METTL16: variants seen among roughly 807,000 people sequenced by gnomAD.
The protein encoded by METTL16 is methyltransferase 16, RNA N6-adenosine, also known as RNA N(6)-adenosine-methyltransferase METTL16.
METTL16 carries 19 observed loss-of-function variants against 57.9 expected under a neutral mutation model. That is an observed-to-expected ratio of 0.33 (90% CI 0.23 to 0.48). METTL16 has a LOEUF of 0.48. METTL16 is among the 20% of genes least tolerant of loss of function. The probability of loss-of-function intolerance (pLI) is 0.99; values close to 1 mark genes in which losing one functional copy is unlikely to be tolerated. For missense variants in METTL16, 434 were observed against 691.5 expected (o/e 0.63, Z 4.18); for synonymous variants, 246 against 255.6 (o/e 0.96, Z 0.36).
At chr17:2,441,949 C>T (rs1365115104) in intron 6 of METTL16, among the ~76,000 whole-genome samples, 1 of 152,152 alleles carries the variant, frequency 6.6e-6, no homozygotes, top group East Asian at 1.9e-4. Flanking sequence ...TTAGATCCAG[C>T]ATGAACCTGT....
intron 1 of METTL16, 128 bp downstream of exon 1, chr17:2,511,631 A>G: frequency 2.6e-6 from 1 of 390,220 alleles, no homozygotes. Context: ...CAGCCACATC[A>G]GGTCTCCCCT....
chr17:2,446,246 A>C (rs553874362), intron 6 of METTL16, among the ~76,000 whole-genome samples: 1 of 152,344 alleles, frequency 6.6e-6, no homozygotes, highest in South Asian at 2.1e-4. Flanking sequence ...ATGATGCAAG[A>C]TGGCCACTCT....
At chr17:2,482,916 T>A (rs9900725) in intron 2 of METTL16, among the ~76,000 whole-genome samples, 25,503 of 150,036 alleles carry the variant, frequency 0.17, 2,752 homozygotes, top group African/African-American at 0.31. Flanking sequence ...GTCTCAAAAA[T>A]AATAATAATA....
rs141391968 is a variant in METTL16 at position 2,429,964 on chromosome 17, C to T, written c.888+8145G>A. 2.1e-3 allele frequency among the ~76,000 whole-genome samples: 316 copies of T among 151,548 alleles called. 10 individuals carry two copies. The East Asian group carries it at 0.051, about 25-fold the overall frequency. ...TAGCTGGGATTACAGGCGCCCGCCACCATGCCCGGCTAATTTTTTTCTATT... is the reference window on the plus strand; with the variant it reads ...TAGCTGGGATTACAGGCGCCCGCCATCATGCCCGGCTAATTTTTTTCTATT... On this transcript the variant is annotated intron_variant, in intron 8 of 9. Transcript: ENST00000263092.
Position 2,420,045 on chromosome 17 carries a change from G to A in METTL16, c.1614C>T (p.Gly538=). The change falls in exon 10 of 10, where the codon GGC becomes GGT. Residue 538 remains glycine, a synonymous_variant. Coordinates refer to ENST00000263092, the MANE Select transcript of METTL16 (RefSeq NM_024086.4). This position sits in a 1 kb window ranked among gnomAD's most constrained non-coding sequence, Gnocchi z 5.4. ...DALVEMHWVE[G]QNRDLMNQLC... ...GCTGGTTCATCAGATCCCTGTTCTGGCCCTCAACCCAGTGCATCTCCACTA... is the reference window on the plus strand; with the variant it reads ...GCTGGTTCATCAGATCCCTGTTCTGACCCTCAACCCAGTGCATCTCCACTA... The A allele has an allele frequency of 6.2e-7, 1 of 1,614,090 alleles. No individual in the cohort carries two copies.
At chr17:2,438,084 G>A in intron 8 of METTL16, 25 bp downstream of exon 8, 3 of 1,547,152 alleles carry the variant, frequency 1.9e-6, no homozygotes, top group Non-Finnish European at 1.8e-6. Flanking sequence ...GGCAGGTGGT[G>A]AAGCGGAGCA....
chr17:2,466,880 G>A (rs900576625), intron 5 of METTL16, among the ~76,000 whole-genome samples: 3 of 151,668 alleles, frequency 2.0e-5, no homozygotes, highest in Non-Finnish European at 4.4e-5. Flanking sequence ...CTGGCTCAAT[G>A]CAACCTGCAC....
rs879698312 is a variant in METTL16 at position 2,484,498 on chromosome 17, C to CT, written c.129-6614dup. 1.6e-3 allele frequency among the ~76,000 whole-genome samples: 226 copies of CT among 144,276 alleles called. No individual in the cohort carries two copies. The Middle Eastern group carries it at 0.018, about 12-fold the overall frequency. 94.7% of individuals were successfully genotyped at this position (144,276 alleles called of 152,430 possible). A position where few individuals can be genotyped will look rare whatever the true frequency, so the allele number is the denominator to read the frequency against. On this transcript the variant is annotated intron_variant, in intron 2 of 9. Transcript: ENST00000263092. ...CAAAGGTTATGACCACTACTCTGTTCTTTTTTTTTTTTTGAGACGAAGTTT... is the reference window on the plus strand; with the variant it reads ...CAAAGGTTATGACCACTACTCTGTTCTTTTTTTTTTTTTTGAGACGAAGTTT...
At position 2,492,028 on chromosome 17, in the gene METTL16, G is replaced by A. The variant is rs376630666; in HGVS notation, c.128+10176C>T. 8.5e-3 allele frequency among the ~76,000 whole-genome samples: 1,292 copies of A among 151,268 alleles called. 12 individuals are homozygous for A. Among genetic ancestry groups the A allele is most frequent in the South Asian group, 0.028 (135 of 4,754 alleles). Reference sequence around the variant, plus strand: ...AGATCGAGACCATCCTGGCTAACACGGTGAAACCCTGTCTCTACTAAAAAT... The same window carrying A: ...AGATCGAGACCATCCTGGCTAACACAGTGAAACCCTGTCTCTACTAAAAAT... On this transcript the variant is annotated intron_variant, in intron 2 of 9. Coordinates refer to ENST00000263092, the MANE Select transcript of METTL16 (RefSeq NM_024086.4).
At position 2,428,585 on chromosome 17, in the gene METTL16, AT is replaced by A. The variant is rs1567881601; in HGVS notation, c.889-7682del. On this transcript the variant is annotated intron_variant, in intron 8 of 9. Transcript: ENST00000263092. ...AAAAAATATATATATATATATATAT[AT>A]ATATATATATATATATAAATTGTAA... Among the ~76,000 whole-genome samples, 11 of 47,618 alleles carry A rather than the reference AT, an allele frequency of 2.3e-4. 1 individual carries two copies. The highest frequency in any genetic ancestry group is 1.0e-3 in the African/African-American group (11 of 10,848). 31.2% of individuals were successfully genotyped at this position (47,618 alleles called of 152,430 possible). A position where few individuals can be genotyped will look rare whatever the true frequency, so the allele number is the denominator to read the frequency against.
intron 4 of METTL16, among the ~76,000 whole-genome samples, chr17:2,472,252 C>T (rs999023107): frequency 6.6e-6 from 1 of 152,078 alleles, no homozygotes; most frequent in East Asian, 1.9e-4. Context: ...CCACTACACG[C>T]CTATTAGAAC....
chr17:2,454,022 A>G (rs1273403221), intron 6 of METTL16, among the ~76,000 whole-genome samples: 1 of 152,152 alleles, frequency 6.6e-6, no homozygotes, highest in Non-Finnish European at 1.5e-5. Context: ...TCAATGGGTT[A>G]TAAGTCATTA....
Position 2,420,684 on chromosome 17 carries a change from A to C in METTL16, c.1062+47T>G. 1 of 1,565,620 alleles carries C rather than the reference A, an allele frequency of 6.4e-7. No homozygotes were observed. Among genetic ancestry groups the C allele is most frequent in the Non-Finnish European group, 8.6e-7 (1 of 1,162,496 alleles). On this transcript the variant is annotated intron_variant, in intron 9 of 9. Transcript: ENST00000263092. This position sits in a 1 kb window ranked among gnomAD's most constrained non-coding sequence, Gnocchi z 5.4. The stretch of plus-strand genomic sequence containing the variant: ...TAAAAAAAAAAAGAAAAAAGAAAAA[A>C]GAGAAGGATCATTATGAGTACTTCG...
chr17:2,498,983 C>T (rs1015878387), intron 2 of METTL16, among the ~76,000 whole-genome samples: 1 of 151,684 alleles, frequency 6.6e-6, no homozygotes, highest in Non-Finnish European at 1.5e-5. Flanking sequence ...CTGGAATACT[C>T]TTCTTTCTAC....
chr17:2,473,831 T>C (rs1330605129), intron 3 of METTL16, among the ~76,000 whole-genome samples, 167 bp from the exon 4 acceptor site: 1 of 152,148 alleles, frequency 6.6e-6, no homozygotes, highest in African/African-American at 2.4e-5. Flanking sequence ...CTCAACTTTC[T>C]GGGCTCAGGC....
At position 2,438,113 on chromosome 17, in the gene METTL16, A is replaced by G; in HGVS notation, c.884T>C (p.Val295Ala). ...LAWSFYDDVT[V>A]PSPPSKRRKL... ...CGGAGCAAGGTCTGTACTTACTGGT[A>G]CTGTGACATCATCATAAAAACTCCA... Residue 295 changes from valine to alanine, a missense_variant, in exon 8 of 10, where the codon GTA (valine) becomes GCA (alanine). Val to Ala is a moderately conservative substitution (Grantham distance 64). Coordinates refer to ENST00000263092, the MANE Select transcript of METTL16 (RefSeq NM_024086.4). 6.2e-7 allele frequency: 1 copy of G among 1,611,262 alleles called. No homozygotes were observed. The highest frequency in any genetic ancestry group is 8.5e-7 in the Non-Finnish European group (1 of 1,177,500).
intron 4 of METTL16, 71 bp from the exon 5 acceptor site, chr17:2,467,947 G>C: frequency 9.8e-7 from 1 of 1,018,484 alleles, no homozygotes. Context: ...CGCGCACTGC[G>C]TAATGATTCT....
intron 3 of METTL16, among the ~76,000 whole-genome samples, chr17:2,474,006 T>C (rs1282068943): frequency 2.0e-5 from 3 of 152,146 alleles, no homozygotes; most frequent in Admixed American, 2.0e-4. Context: ...TAGTCATTCG[T>C]GTATGTTAGT....
At position 2,464,124 on chromosome 17, in the gene METTL16, C is replaced by A. The variant is rs545216192; in HGVS notation, c.728+84G>T. ...GCAACAAGAGCAAGACTCTGTCCCC[C>A]GCCACCAAAAAAAAGAGAACTACAT... On this transcript the variant is annotated intron_variant, in intron 6 of 9. Coordinates refer to ENST00000263092, the MANE Select transcript of METTL16 (RefSeq NM_024086.4). 7.1e-6 allele frequency: 10 copies of A among 1,416,198 alleles called. No individual in the cohort carries two copies. In the East Asian group the frequency reaches 9.6e-5, roughly 14 times the overall value. The allele number at this position is 1,416,198 out of a possible 1,614,324, so 87.7% of individuals were successfully genotyped here.
Sources: gnomAD v4.1 joint callset for allele counts (sites outside exome capture counted in the v4.1 genomes callset) on GRCh38, gnomAD v4.1.1 for gene constraint, Gnocchi (gnomAD v3.1) non-coding constraint, MANE v1.5 for transcripts, NCBI Gene and HGNC (gene_info 2026-07-23, HGNC 2026-07-21) for gene names.